Variants in CLIC5 observed in about 807,000 individuals in gnomAD.
The protein encoded by CLIC5 is CLIC family member 5, also known as chloride intracellular channel protein 5.
CLIC5 carries 20 observed loss-of-function variants against 24.7 expected under a neutral mutation model. That is an observed-to-expected ratio of 0.81 (90% CI 0.57 to 1.18). The LOEUF (loss-of-function observed/expected upper bound fraction) is 1.18, where lower values mean the gene tolerates loss of function less well. Among genes scored for constraint, CLIC5 ranks in the 50% most tolerant of loss-of-function variants. The probability of loss-of-function intolerance (pLI) is 0.00; values close to 1 mark genes in which losing one functional copy is unlikely to be tolerated. For synonymous variants in CLIC5, 159 were observed against 135.6 expected (o/e 1.17, Z -1.20); for missense variants, 341 against 326.1 (o/e 1.05, Z -0.35).
chr6:46,098,190 T>C, the CLIC5 span, among the ~76,000 whole-genome samples: 8 of 152,342 alleles, frequency 5.3e-5, no homozygotes, highest in East Asian at 9.6e-4. Context: ...CTTTAAAAAA[T>C]ATGCTATTGA....
chr6:46,091,819 G>C, the CLIC5 span, among the ~76,000 whole-genome samples: 1 of 152,172 alleles, frequency 6.6e-6, no homozygotes, highest in Admixed American at 6.5e-5. Context: ...CAATAAGCAT[G>C]AGAGTGCAGA....
At chr6:45,921,972 C>T (rs1422985713) in intron 4 of CLIC5, among the ~76,000 whole-genome samples, 1 of 152,170 alleles carries the variant, frequency 6.6e-6, no homozygotes. Context: ...AGGCAATTCC[C>T]AGGCCTCCGT....
chr6:46,078,947 T>C (rs1386894781), intron 1 of CLIC5, among the ~76,000 whole-genome samples: 4 of 152,168 alleles, frequency 2.6e-5, no homozygotes, highest in African/African-American at 9.7e-5. Context: ...AATATATTTA[T>C]ATAATAAATG....
intron 1 of CLIC5, among the ~76,000 whole-genome samples, chr6:46,039,249 G>T (rs1365473782): frequency 6.6e-6 from 1 of 151,930 alleles, no homozygotes; most frequent in African/African-American, 2.4e-5. Flanking sequence ...TTTCTAAAGG[G>T]ATTGGTATTT....
chr6:46,057,039 A>G (rs978673769), intron 1 of CLIC5, among the ~76,000 whole-genome samples: 2 of 152,138 alleles, frequency 1.3e-5, no homozygotes, highest in Non-Finnish European at 2.9e-5. Context: ...TTTCAAAATG[A>G]TCCTCATTGC....
chr6:45,934,617 G>A (rs1295744224), intron 4 of CLIC5, among the ~76,000 whole-genome samples: 1 of 152,254 alleles, frequency 6.6e-6, no homozygotes, highest in Non-Finnish European at 1.5e-5. Context: ...AGGGAGTCCT[G>A]TGGAAGTGGG....
intron 1 of CLIC5, among the ~76,000 whole-genome samples, chr6:45,975,133 C>T (rs932049162): frequency 6.6e-6 from 1 of 152,178 alleles, no homozygotes; most frequent in African/African-American, 2.4e-5. Context: ...GAAAACCCCT[C>T]TGATCTGCCC....
At chr6:46,049,168 A>C (rs1197830163) in intron 1 of CLIC5, among the ~76,000 whole-genome samples, 1 of 152,144 alleles carries the variant, frequency 6.6e-6, no homozygotes, top group Non-Finnish European at 1.5e-5. Context: ...TCCACAGGAA[A>C]ACTTGTAGGG....
chr6:45,955,581 C>G (rs1325373122), intron 1 of CLIC5, among the ~76,000 whole-genome samples: 1 of 152,062 alleles, frequency 6.6e-6, no homozygotes, highest in African/African-American at 2.4e-5. Flanking sequence ...ATCTACACCC[C>G]CAAGTAATCA....
intron 1 of CLIC5, among the ~76,000 whole-genome samples, chr6:46,063,552 A>C (rs1042839456): frequency 2.6e-5 from 4 of 152,210 alleles, no homozygotes; most frequent in African/African-American, 9.6e-5. Context: ...TAACAGAGAG[A>C]GAGAGCTTAG....
At chr6:46,120,383 A>G in the CLIC5 span, among the ~76,000 whole-genome samples, 834 of 152,352 alleles carry the variant, frequency 5.5e-3, 15 homozygotes, top group Middle Eastern at 6.8e-3. Context: ...TGACTGTTAA[A>G]GGGAAAACTA....
At chr6:46,084,947 A>G (rs1237488837), upstream of CLIC5, among the ~76,000 whole-genome samples, 2 of 152,168 alleles carry the variant, frequency 1.3e-5, no homozygotes, top group Non-Finnish European at 2.9e-5. Flanking sequence ...ACATAGTCCA[A>G]TATTTCTTGG....
intron 1 of CLIC5, among the ~76,000 whole-genome samples, chr6:45,997,296 T>C (rs1305381300): frequency 4.2e-5 from 6 of 141,960 alleles, no homozygotes; most frequent in Admixed American, 7.5e-5. Flanking sequence ...TAGGTGGGAA[T>C]TGAACAATGA....
At chr6:46,110,260 C>G in the CLIC5 span, among the ~76,000 whole-genome samples, 6 of 152,312 alleles carry the variant, frequency 3.9e-5, no homozygotes, top group Admixed American at 2.0e-4. Flanking sequence ...GCTCCCAGAG[C>G]TCAGGGCCTT....
chr6:45,935,619 T>C (rs1763902479), intron 4 of CLIC5, among the ~76,000 whole-genome samples: 1 of 152,244 alleles, frequency 6.6e-6, no homozygotes, highest in South Asian at 2.1e-4. Flanking sequence ...CAGCCAAATC[T>C]AAATGCAGTG....
chr6:45,999,594 C>T (rs1407477802), intron 1 of CLIC5, among the ~76,000 whole-genome samples: 1 of 152,018 alleles, frequency 6.6e-6, no homozygotes, highest in Non-Finnish European at 1.5e-5. Context: ...TCTGTCACTC[C>T]CGAGAGAATA....
chr6:45,952,793 C>T (rs921612195), intron 2 of CLIC5, among the ~76,000 whole-genome samples: 1 of 152,136 alleles, frequency 6.6e-6, no homozygotes, highest in Non-Finnish European at 1.5e-5. Context: ...CCCTCTCCCA[C>T]TCTCTTCTCC....
chr6:45,992,226 C>T (rs1765966741), intron 1 of CLIC5, among the ~76,000 whole-genome samples: 1 of 152,188 alleles, frequency 6.6e-6, no homozygotes, highest in African/African-American at 2.4e-5. Context: ...CCTGCACATC[C>T]TGTGGGATAC....
At chr6:46,112,463 T>C in the CLIC5 span, among the ~76,000 whole-genome samples, 8 of 152,210 alleles carry the variant, frequency 5.3e-5, no homozygotes, top group African/African-American at 1.9e-4. Context: ...GTCCCCATTC[T>C]TTCTGCATCT....
Sources: allele counts gnomAD v4.1 joint callset (sites outside exome capture counted in the v4.1 genomes callset), GRCh38; gene constraint gnomAD v4.1.1; transcripts MANE v1.5; gene names NCBI Gene and HGNC (gene_info 2026-07-23, HGNC 2026-07-21).